Variants in BLTP1 observed in about 807,000 individuals in gnomAD.
BLTP1 encodes fragile site-associated protein.
chr4:122,208,793 G>A, the BLTP1 span: 1 of 467,886 alleles, frequency 2.1e-6, no homozygotes, highest in Non-Finnish European at 2.8e-6. Context: ...TGTAATCCCA[G>A]CACTTTGGGA....
chr4:122,188,324 C>T, the BLTP1 span: 1 of 477,628 alleles, frequency 2.1e-6, no homozygotes, highest in Non-Finnish European at 2.7e-6. Context: ...TTTTTTTATC[C>T]TTTTCTCCTT....
chr4:122,284,514 T>A, the BLTP1 span, among the ~76,000 whole-genome samples: 1 of 152,150 alleles, frequency 6.6e-6, no homozygotes, highest in Admixed American at 6.5e-5. Flanking sequence ...TCTCCTTTAT[T>A]ATGTTAACAT....
At chr4:122,282,116 T>A in the BLTP1 span, 1 of 978,042 alleles carries the variant, frequency 1.0e-6, no homozygotes, top group Non-Finnish European at 1.2e-6. Context: ...TTGGGTTCAT[T>A]TAGCTCAAAT....
the BLTP1 span, among the ~76,000 whole-genome samples, chr4:122,304,411 A>G: frequency 6.6e-6 from 1 of 152,100 alleles, no homozygotes; most frequent in Non-Finnish European, 1.5e-5. Context: ...GGGTTTCACC[A>G]TGTTGGCCAG....
At chr4:122,253,436 T>C in the BLTP1 span, among the ~76,000 whole-genome samples, 18 of 152,226 alleles carry the variant, frequency 1.2e-4, no homozygotes, top group East Asian at 2.5e-3. Context: ...CAGAATCTTA[T>C]TAGATAAATT....
the BLTP1 span, chr4:122,255,388 T>C: frequency 3.7e-6 from 3 of 805,778 alleles, no homozygotes; most frequent in African/African-American, 1.7e-5. Context: ...GAAATACAAG[T>C]CTATAGGCCT....
chr4:122,175,896 C>T, the BLTP1 span: 23 of 1,522,334 alleles, frequency 1.5e-5, no homozygotes, highest in Middle Eastern at 5.1e-4. Flanking sequence ...AATGTATAAC[C>T]CAAAACAGAA....
At chr4:122,223,866 TTC>T in the BLTP1 span, 6 of 391,098 alleles carry the variant, frequency 1.5e-5, no homozygotes, top group Non-Finnish European at 2.1e-5. Flanking sequence ...ACTTATTTGA[TTC>T]TTTATTCTTA....
At chr4:122,346,358 G>A in the BLTP1 span, 2 of 572,378 alleles carry the variant, frequency 3.5e-6, no homozygotes, top group Admixed American at 6.4e-5. Context: ...TTGAAAGCTG[G>A]CTATCAGACT....
At chr4:122,249,468 C>T in the BLTP1 span, 2 of 1,606,354 alleles carry the variant, frequency 1.2e-6, no homozygotes, top group Non-Finnish European at 1.7e-6. Context: ...GGTCATTTTG[C>T]TCTCTTTTGA....
At chr4:122,181,309 A>T in the BLTP1 span, 2 of 682,916 alleles carry the variant, frequency 2.9e-6, no homozygotes, top group Non-Finnish European at 3.6e-6. Context: ...GAATTTGGGC[A>T]CTTGAACACT....
At chr4:122,235,544 A>G in the BLTP1 span, 23,772 of 895,450 alleles carry the variant, frequency 0.027, 369 homozygotes, top group Non-Finnish European at 0.029. Flanking sequence ...GGTGGCTCAC[A>G]CCTGTAATCC....
At chr4:122,160,533 G>C in the BLTP1 span, among the ~76,000 whole-genome samples, 3 of 152,172 alleles carry the variant, frequency 2.0e-5, no homozygotes, top group Admixed American at 6.5e-5. Flanking sequence ...CACATATTTT[G>C]TATACTTTAT....
chr4:122,261,998 A>G, the BLTP1 span: 1 of 985,238 alleles, frequency 1.0e-6, no homozygotes, highest in Non-Finnish European at 1.2e-6. Flanking sequence ...CTATTAGCAA[A>G]AAGCCTCTAG....
chr4:122,222,875 A>G, the BLTP1 span: 1 of 441,934 alleles, frequency 2.3e-6, no homozygotes, highest in African/African-American at 2.1e-5. Context: ...CATTCAACCC[A>G]CGCATGATGC....
chr4:122,351,926 A>G, the BLTP1 span, among the ~76,000 whole-genome samples: 2 of 152,226 alleles, frequency 1.3e-5, no homozygotes, highest in East Asian at 3.8e-4. Flanking sequence ...CAAAAGGAAC[A>G]TTATTGGAAT....
the BLTP1 span, among the ~76,000 whole-genome samples, chr4:122,179,346 G>C: frequency 6.6e-6 from 1 of 152,110 alleles, no homozygotes; most frequent in African/African-American, 2.4e-5. Context: ...ATTTAGCTCA[G>C]TTCACATCCC....
chr4:122,221,214 C>A, the BLTP1 span: 1 of 191,202 alleles, frequency 5.2e-6, no homozygotes. Context: ...AGTAATTGAT[C>A]ATTTTATTTA....
chr4:122,186,836 A>G, the BLTP1 span, among the ~76,000 whole-genome samples: 2 of 152,004 alleles, frequency 1.3e-5, no homozygotes, highest in African/African-American at 4.8e-5. Flanking sequence ...ATTTATTTAT[A>G]TATTATCTAT....
Sources: allele counts gnomAD v4.1 joint callset (sites outside exome capture counted in the v4.1 genomes callset), GRCh38; gene constraint gnomAD v4.1.1; transcripts MANE v1.5; gene names NCBI Gene and HGNC (gene_info 2026-07-23, HGNC 2026-07-21).